Variants in DTNB observed in about 807,000 individuals in gnomAD.
DTNB encodes DTN-B.
In DTNB, 63 loss-of-function variants were observed where a neutral mutation model predicts 90.7. The observed-to-expected ratio is 0.69, with a 90% CI of 0.57 to 0.86. The LOEUF (loss-of-function observed/expected upper bound fraction) is 0.86. Ranked by LOEUF, DTNB falls within the 40% of genes least tolerant of loss-of-function variation. DTNB has a pLI of 0.00. For missense variants in DTNB, 744 were observed against 807.1 expected, an observed-to-expected ratio of 0.92 and a Z score of 0.95; for synonymous variants, 277 against 286.7, an observed-to-expected ratio of 0.97 and a Z score of 0.34.
At chr2:25,667,278 C>T (rs967788955) in intron 1 of DTNB, among the ~76,000 whole-genome samples, 1 of 152,042 alleles carries the variant, frequency 6.6e-6, no homozygotes, top group Non-Finnish European at 1.5e-5. Flanking sequence ...CACTTGAGGT[C>T]AGGAGTTTGA....
intron 12 of DTNB, among the ~76,000 whole-genome samples, chr2:25,440,361 C>T (rs1314979372): frequency 1.3e-5 from 2 of 152,148 alleles, no homozygotes; most frequent in Admixed American, 6.5e-5. Flanking sequence ...TAGAGATGGG[C>T]TTCTAGAATA....
chr2:25,433,138 G>A (rs778159515), intron 13 of DTNB, 139 bp from the exon 14 acceptor site: 4 of 742,374 alleles, frequency 5.4e-6, no homozygotes, highest in Non-Finnish European at 8.5e-6. Flanking sequence ...GCCAAGAGGT[G>A]AAATGGACAC....
intron 6 of DTNB, among the ~76,000 whole-genome samples, chr2:25,589,239 T>G (rs1160448831): frequency 6.6e-6 from 1 of 152,200 alleles, no homozygotes; most frequent in Non-Finnish European, 1.5e-5. Context: ...AAATGTGGCA[T>G]GGTGCCCAAT....
intron 16 of DTNB, among the ~76,000 whole-genome samples, chr2:25,404,376 G>C (rs1439015347): frequency 2.6e-5 from 4 of 152,156 alleles, no homozygotes; most frequent in Admixed American, 6.6e-5. Flanking sequence ...GGCTTGGGAA[G>C]GGCAAACCAG....
chr2:25,548,172 C>T (rs933512654), intron 8 of DTNB, among the ~76,000 whole-genome samples: 4 of 152,070 alleles, frequency 2.6e-5, no homozygotes, highest in African/African-American at 7.2e-5. Context: ...TCAGATTTAT[C>T]AGTACTTCTT....
At chr2:25,400,327 C>T (rs560721833) in intron 16 of DTNB, among the ~76,000 whole-genome samples, 44 of 152,320 alleles carry the variant, frequency 2.9e-4, no homozygotes, top group East Asian at 1.7e-3. Flanking sequence ...GATGGAGCAC[C>T]GCACTGTGCA....
In DTNB at chr2:25,540,752, G is replaced by C. The variant is rs569254997; in HGVS notation, c.877-9155C>G. On this transcript the variant is annotated intron_variant, in intron 8 of 20. Coordinates refer to ENST00000406818, the MANE Select transcript of DTNB (RefSeq NM_021907.5). ...GATCTATGACCTTACCCCCAACCCT[G>C]TGCTCTCTGAAACATATGCTGTGTC... is the stretch of plus-strand genomic sequence containing the variant. Among the ~76,000 whole-genome samples the C allele has an allele frequency of 3.7e-3, 563 of 152,214 alleles. 1 individual carries two copies. Among genetic ancestry groups the C allele is most frequent in the Admixed American group, 5.8e-3 (88 of 15,290 alleles).
intron 4 of DTNB, among the ~76,000 whole-genome samples, chr2:25,613,962 T>C (rs1295672112): frequency 1.3e-5 from 2 of 151,958 alleles, no homozygotes; most frequent in African/African-American, 4.8e-5. Flanking sequence ...CGTCTCTAAA[T>C]AAATAAATAA....
chr2:25,456,890 A>G (rs975934668), intron 10 of DTNB, among the ~76,000 whole-genome samples: 5 of 151,450 alleles, frequency 3.3e-5, no homozygotes, highest in Non-Finnish European at 7.4e-5. Flanking sequence ...CTGAAGCTCA[A>G]ACTCTCCTAC....
In DTNB at chr2:25,574,504, A is replaced by G. The variant is rs76581810; in HGVS notation, c.876+2334T>C. On this transcript the variant is annotated intron_variant, in intron 8 of 20. Transcript: ENST00000406818. ...AACTTCCAGGTACTACTTAAAACTC[A>G]TATGTCACATCTACAATGAAAATTC... Among the ~76,000 whole-genome samples, 1,009 of 152,338 alleles carry G rather than the reference A, an allele frequency of 6.6e-3. 7 individuals carry two copies. The highest frequency in any genetic ancestry group is 0.023 in the African/African-American group (943 of 41,582).
At chr2:25,488,763 C>A (rs1484157559) in intron 9 of DTNB, among the ~76,000 whole-genome samples, 2 of 152,152 alleles carry the variant, frequency 1.3e-5, no homozygotes, top group East Asian at 1.9e-4. Flanking sequence ...AGCGATTCCC[C>A]CCTCACCCTC....
chr2:25,566,374 T>G (rs1377672567), intron 8 of DTNB, among the ~76,000 whole-genome samples: 1 of 152,180 alleles, frequency 6.6e-6, no homozygotes, highest in Non-Finnish European at 1.5e-5. Flanking sequence ...ACACTTCGAT[T>G]TCAGCTCAGT....
chr2:25,464,719 T>G (rs2061504561), intron 10 of DTNB, among the ~76,000 whole-genome samples: 1 of 152,192 alleles, frequency 6.6e-6, no homozygotes, highest in African/African-American at 2.4e-5. Flanking sequence ...GAAGTCATGC[T>G]GACAGCAGGT....
chr2:25,462,786 C>T (rs2061193883), intron 10 of DTNB, among the ~76,000 whole-genome samples: 1 of 151,962 alleles, frequency 6.6e-6, no homozygotes, highest in Admixed American at 6.6e-5. Context: ...TCACTGCAAG[C>T]TCCGCCTCCC....
At chr2:25,453,493 A>C (rs1574657363) in intron 11 of DTNB, among the ~76,000 whole-genome samples, 1 of 152,214 alleles carries the variant, frequency 6.6e-6, no homozygotes, top group African/African-American at 2.4e-5. Context: ...ATGTTCTCCC[A>C]GGGCTACCAG....
intron 6 of DTNB, among the ~76,000 whole-genome samples, chr2:25,582,148 A>G (rs893459457): frequency 5.3e-5 from 8 of 152,256 alleles, no homozygotes; most frequent in African/African-American, 1.9e-4. Flanking sequence ...ACCTAAAGAT[A>G]TTGCTGGCTG....
At chr2:25,628,026 G>A (rs931096174) in intron 4 of DTNB, 145 bp downstream of exon 4, 108 of 851,412 alleles carry the variant, frequency 1.3e-4, no homozygotes, top group South Asian at 7.0e-4. Flanking sequence ...GTGAGCTACC[G>A]TGCCCAGCCA....
At chr2:25,443,666 CA>C in intron 12 of DTNB, among the ~76,000 whole-genome samples, 1 of 152,314 alleles carries the variant, frequency 6.6e-6, no homozygotes, top group South Asian at 2.1e-4. Flanking sequence ...CACCCTCTCT[CA>C]AAAATCCAAT....
At chr2:25,617,624 G>T (rs1242257755) in intron 4 of DTNB, among the ~76,000 whole-genome samples, 1 of 152,174 alleles carries the variant, frequency 6.6e-6, no homozygotes, top group Non-Finnish European at 1.5e-5. Context: ...CAGGCGTCGT[G>T]GTTCACGCCT....
Sources: allele counts gnomAD v4.1 joint callset (sites outside exome capture counted in the v4.1 genomes callset), GRCh38; gene constraint gnomAD v4.1.1; transcripts MANE v1.5; gene names NCBI Gene and HGNC (gene_info 2026-07-23, HGNC 2026-07-21).